The following SAMD5 variants were observed in gnomAD, a reference collection of about 807,000 sequenced individuals.
SAMD5 encodes the protein sterile alpha motif domain containing 5, also known as sterile alpha motif domain-containing protein 5.
A neutral mutation model predicts 11.3 loss-of-function variants in SAMD5; 13 were observed. That is an observed-to-expected ratio of 1.15 (90% CI 0.75 to 1.83). The LOEUF is 1.83. Among genes scored for constraint, SAMD5 ranks in the 40% most tolerant of loss-of-function variants. The probability of loss-of-function intolerance (pLI) is 0.00; values close to 1 mark genes in which losing one functional copy is unlikely to be tolerated. For missense variants in SAMD5, 255 were observed against 239.1 expected (o/e 1.07, Z -0.44); for synonymous variants, 129 against 111.3 (o/e 1.16, Z -1.00).
At chr6:147,877,639 G>A in the SAMD5 span, among the ~76,000 whole-genome samples, 1 of 152,010 alleles carries the variant, frequency 6.6e-6, no homozygotes, top group Non-Finnish European at 1.5e-5. Flanking sequence ...TAGACTTTGA[G>A]TAAAGCAGAT....
At chr6:147,881,373 C>G in the SAMD5 span, among the ~76,000 whole-genome samples, 1 of 152,134 alleles carries the variant, frequency 6.6e-6, no homozygotes, top group Non-Finnish European at 1.5e-5. Flanking sequence ...CTCCAAGCCC[C>G]GCGTCAAGGT....
chr6:147,606,058 C>A (rs1302147993), intron 1 of SAMD5, among the ~76,000 whole-genome samples: 1 of 152,044 alleles, frequency 6.6e-6, no homozygotes, highest in Non-Finnish European at 1.5e-5. Flanking sequence ...TCTGTTTGAT[C>A]CCACAGACAG....
chr6:147,590,937 A>C (rs1322462613), intron 1 of SAMD5, among the ~76,000 whole-genome samples: 3 of 152,158 alleles, frequency 2.0e-5, no homozygotes, highest in African/African-American at 4.8e-5. Flanking sequence ...ATTGGATGTT[A>C]TTTATCTTTG....
chr6:147,556,202 C>T (rs777797972), intron 1 of SAMD5, among the ~76,000 whole-genome samples: 6 of 151,854 alleles, frequency 4.0e-5, no homozygotes, highest in South Asian at 2.1e-4. Context: ...ATGCCATTCT[C>T]CCGCCTCAGC....
At chr6:147,723,887 G>A (rs916973553) in intron 1 of SAMD5, among the ~76,000 whole-genome samples, 3 of 152,122 alleles carry the variant, frequency 2.0e-5, no homozygotes, top group African/African-American at 7.2e-5. Context: ...TGGTTAAGGT[G>A]AGAGTAATAT....
At chr6:147,644,853 A>G (rs112712047) in intron 1 of SAMD5, among the ~76,000 whole-genome samples, 3 of 152,266 alleles carry the variant, frequency 2.0e-5, no homozygotes, top group African/African-American at 7.2e-5. Context: ...ATTCATGGAA[A>G]CCCTTGGATT....
At position 147,567,620 on chromosome 6, in the gene SAMD5, G is replaced by A. The variant is rs1403403487; in HGVS notation, c.*3164G>A. 2.0e-6 allele frequency: 2 copies of A among 980,358 alleles called. No individual in the cohort carries two copies. Among genetic ancestry groups the A allele is most frequent in the East Asian group, 2.3e-4 (2 of 8,786 alleles). The allele number at this position is 980,358 out of a possible 1,614,324, so 60.7% of individuals were successfully genotyped here. Reference sequence around the variant, plus strand: ...CATACAGTCCTTGGCTCAGTGCTAGGCATGTAGCAGGTGCTGACTGCCTCT... The same window carrying A: ...CATACAGTCCTTGGCTCAGTGCTAGACATGTAGCAGGTGCTGACTGCCTCT... On this transcript the variant is annotated 3_prime_UTR_variant, in exon 2 of 2. Coordinates refer to ENST00000367474, the MANE Select transcript of SAMD5 (RefSeq NM_001030060.3).
chr6:147,888,022 A>G, the SAMD5 span, among the ~76,000 whole-genome samples: 1 of 152,184 alleles, frequency 6.6e-6, no homozygotes, highest in Non-Finnish European at 1.5e-5. Context: ...ATTACCAAAT[A>G]CTGAGAGTTT....
At chr6:147,558,060 G>A (rs1456748814) in intron 1 of SAMD5, among the ~76,000 whole-genome samples, 1 of 152,202 alleles carries the variant, frequency 6.6e-6, no homozygotes, top group Non-Finnish European at 1.5e-5. Context: ...GCTGTTGCTG[G>A]AGCAGGCAGG....
chr6:147,610,315 GA>G (rs1376769488), intron 1 of SAMD5, among the ~76,000 whole-genome samples: 2 of 152,008 alleles, frequency 1.3e-5, no homozygotes, highest in South Asian at 4.1e-4. Context: ...AAAATAGGAG[GA>G]AAAAAATGTC....
At chr6:147,585,048 G>A (rs1018994990) in intron 1 of SAMD5, among the ~76,000 whole-genome samples, 1 of 151,880 alleles carries the variant, frequency 6.6e-6, no homozygotes, top group African/African-American at 2.4e-5. Context: ...CACTCATGTT[G>A]ACTCTATGTG....
the SAMD5 span, among the ~76,000 whole-genome samples, chr6:147,834,478 C>CG: frequency 6.6e-6 from 1 of 152,058 alleles, no homozygotes; most frequent in African/African-American, 2.4e-5. Context: ...TTAAAAGCAC[C>CG]GGAGTGATAA....
At chr6:147,859,882 T>C in the SAMD5 span, among the ~76,000 whole-genome samples, 1 of 152,164 alleles carries the variant, frequency 6.6e-6, no homozygotes, top group Admixed American at 6.6e-5. Context: ...CTTGTGTCTG[T>C]CCATATTTAA....
chr6:147,509,116 G>C lies in SAMD5; in HGVS notation c.188G>C (p.Arg63Pro). The change falls in exon 1 of 2, where the codon CGG becomes CCG. Residue 63 changes from arginine (R) to proline (P), a missense_variant. Transcript: ENST00000367474. ...ATCCTGGAGGCCGTGCGCCGGCTGC[G>C]GGAGCAGGACGCCAACGCCGCCGGC... is the stretch of plus-strand genomic sequence containing the variant. ...RRILEAVRRL[R>P]EQDANAAGLY... 6.3e-7 allele frequency: 1 copy of C among 1,581,244 alleles called. No homozygotes were observed. Among genetic ancestry groups the C allele is most frequent in the Non-Finnish European group, 8.6e-7 (1 of 1,165,886 alleles).
the SAMD5 span, among the ~76,000 whole-genome samples, chr6:147,817,852 T>G: frequency 1.3e-5 from 2 of 152,198 alleles, no homozygotes; most frequent in Admixed American, 1.3e-4. Flanking sequence ...TCTAACCCCA[T>G]GCAGTTGAGT....
chr6:147,751,534 C>T, the SAMD5 span, among the ~76,000 whole-genome samples: 1 of 152,130 alleles, frequency 6.6e-6, no homozygotes, highest in South Asian at 2.1e-4. Context: ...TTATTGCAAC[C>T]ACAAAATAGG....
At chr6:147,541,818 G>C (rs1788609468) in intron 1 of SAMD5, among the ~76,000 whole-genome samples, 1 of 152,176 alleles carries the variant, frequency 6.6e-6, no homozygotes, top group Non-Finnish European at 1.5e-5. Context: ...CTTCCTGGTT[G>C]AGAAGTCTCC....
the SAMD5 span, among the ~76,000 whole-genome samples, chr6:147,873,244 G>A: frequency 5.9e-5 from 9 of 152,012 alleles, no homozygotes; most frequent in Admixed American, 2.6e-4. Context: ...GGGCGTGGTG[G>A]TGCACGCCTG....
At chr6:147,651,948 A>C (rs1240597120) in intron 1 of SAMD5, among the ~76,000 whole-genome samples, 1 of 126,824 alleles carries the variant, frequency 7.9e-6, no homozygotes, top group Admixed American at 8.3e-5. Flanking sequence ...GGAGTCCCAC[A>C]GCTCAACACC....
Sources: gnomAD v4.1 joint callset for allele counts (sites outside exome capture counted in the v4.1 genomes callset) on GRCh38, gnomAD v4.1.1 for gene constraint, MANE v1.5 for transcripts, NCBI Gene and HGNC (gene_info 2026-07-23, HGNC 2026-07-21) for gene names.